Variants in HPD observed in about 807,000 individuals in gnomAD.
The protein encoded by HPD is 4-hydroxyphenylpyruvic acid oxidase.
A neutral mutation model predicts 56.9 loss-of-function variants in HPD; 35 were observed. The ratio of observed to expected loss-of-function variants is 0.62; its 90% CI spans 0.47 to 0.82. The LOEUF (loss-of-function observed/expected upper bound fraction) is 0.82, where lower values mean the gene tolerates loss of function less well. HPD is among the 40% of genes least tolerant of loss of function. The pLI, the probability that HPD is intolerant of heterozygous loss-of-function variation, is 0.00. For missense variants in HPD, 442 were observed against 506.8 expected (o/e 0.87, Z 1.23); for synonymous variants, 186 against 200.2 (o/e 0.93, Z 0.60).
chr12:121,887,912 C>T, the HPD span, among the ~76,000 whole-genome samples: 2 of 152,112 alleles, frequency 1.3e-5, no homozygotes, highest in Non-Finnish European at 2.9e-5. Flanking sequence ...GAGCCCTTTT[C>T]AAGACAAAAT....
the HPD span, among the ~76,000 whole-genome samples, chr12:121,869,585 G>C: frequency 2.7e-5 from 4 of 145,484 alleles, no homozygotes; most frequent in Non-Finnish European, 6.0e-5. Context: ...TTTTAGTGCA[G>C]TGGCTCTCGG....
At chr12:121,865,212 G>A (rs1197876957), upstream of HPD, among the ~76,000 whole-genome samples, 1 of 152,078 alleles carries the variant, frequency 6.6e-6, no homozygotes, top group African/African-American at 2.4e-5. Flanking sequence ...AGGCTGCAGT[G>A]AGCTGAGATC....
upstream of HPD, among the ~76,000 whole-genome samples, chr12:121,863,345 C>A (rs552257147): frequency 6.6e-6 from 1 of 152,180 alleles, no homozygotes; most frequent in African/African-American, 2.4e-5. Flanking sequence ...AGCAACAAGC[C>A]GAGAGAGGGT....
intron 9 of HPD, among the ~76,000 whole-genome samples, chr12:121,847,877 C>G (rs1367869760): frequency 6.6e-6 from 1 of 152,174 alleles, no homozygotes; most frequent in Non-Finnish European, 1.5e-5. Flanking sequence ...GTTGCCCAGG[C>G]TGTCTTGAAC....
In HPD at chr12:121,856,630, GAT is replaced by G. The variant is rs1230690804; in HGVS notation, c.199-7_199-6del. The G allele has an allele frequency of 1.2e-6, 2 of 1,613,992 alleles. No individual in the cohort carries two copies. Among genetic ancestry groups the G allele is most frequent in the African/African-American group, 2.7e-5 (2 of 74,922 alleles). ...TGAGGAGAGGACAAACACAATCTAA[GAT>G]AGGAGGAGAAGGAGGTGAGGCTAGT... On this transcript the variant is annotated splice_region_variant and splice_polypyrimidine_tract_variant and intron_variant, in intron 4 of 13. Coordinates refer to ENST00000289004, the MANE Select transcript of HPD (RefSeq NM_002150.3).
chr12:121,883,678 C>CTT, the HPD span, among the ~76,000 whole-genome samples: 3 of 124,378 alleles, frequency 2.4e-5, no homozygotes, highest in East Asian at 4.1e-4. Flanking sequence ...CCTTTTCCTT[C>CTT]TTTCTTTTTT....
At position 121,857,281 on chromosome 12, in the gene HPD, T is replaced by C. The variant is rs142195204; in HGVS notation, c.198+47A>G. On this transcript the variant is annotated intron_variant, in intron 4 of 13. Transcript: ENST00000289004. Reference sequence around the variant, plus strand: ...TTTTAATAGAGATGGGGTTTCACCATGTTGGCCAGGCAGGGGTTGGGGGCT... The same window carrying C: ...TTTTAATAGAGATGGGGTTTCACCACGTTGGCCAGGCAGGGGTTGGGGGCT... 2.7e-3 allele frequency: 3,270 copies of C among 1,211,242 alleles called. 63 individuals carry two copies. In the East Asian group the frequency reaches 0.051, roughly 19 times the overall value. The allele number at this position is 1,211,242 out of a possible 1,614,324, so 75.0% of individuals were successfully genotyped here. A position where few individuals can be genotyped will look rare whatever the true frequency, so the allele number is the denominator to read the frequency against.
At chr12:121,858,217 A>G (rs906186418) in intron 2 of HPD, among the ~76,000 whole-genome samples, 1 of 152,102 alleles carries the variant, frequency 6.6e-6, no homozygotes, top group African/African-American at 2.4e-5. Context: ...GCTGGAGTGG[A>G]GTGCAGTGGT....
the HPD span, among the ~76,000 whole-genome samples, chr12:121,886,903 T>C: frequency 0.011 from 1,731 of 152,274 alleles, 23 homozygotes; most frequent in African/African-American, 0.039. Flanking sequence ...AACTTTATTA[T>C]TTATTTATTT....
intron 4 of HPD, 112 bp from the exon 5 acceptor site, chr12:121,856,737 C>G: frequency 1.0e-6 from 1 of 977,486 alleles, no homozygotes; most frequent in South Asian, 1.4e-5. Flanking sequence ...CACAAGAACT[C>G]CTGGACCTGG....
At chr12:121,861,613 A>ATCTCT (rs1878175541), upstream of HPD, among the ~76,000 whole-genome samples, 2 of 152,184 alleles carry the variant, frequency 1.3e-5, no homozygotes, top group Non-Finnish European at 2.9e-5. Flanking sequence ...AAAAACATGA[A>ATCTCT]AAAGAGGCAA....
At chr12:121,850,924 T>G (rs1592919830) in intron 7 of HPD, among the ~76,000 whole-genome samples, 1 of 147,540 alleles carries the variant, frequency 6.8e-6, no homozygotes, top group African/African-American at 2.5e-5. Flanking sequence ...AGTGCAATGG[T>G]GCGATCTTGG....
intron 12 of HPD, among the ~76,000 whole-genome samples, 179 bp from the exon 13 acceptor site, chr12:121,840,227 C>T (rs1365777057): frequency 2.0e-5 from 3 of 152,178 alleles, no homozygotes; most frequent in African/African-American, 4.8e-5. Context: ...GTTCCTAAGG[C>T]ACCATTCAAG....
At chr12:121,875,427 CT>C in the HPD span, among the ~76,000 whole-genome samples, 1,701 of 134,666 alleles carry the variant, frequency 0.013, 6 homozygotes, top group South Asian at 0.02. Context: ...TTCTTTCTTT[CT>C]TTTTTTTTTT....
At position 121,846,878 on chromosome 12, in the gene HPD, T is replaced by C. The variant is rs375083142; in HGVS notation, c.815A>G (p.Glu272Gly). Residue 272 changes from glutamate to glycine, a missense_variant, in exon 11 of 14, where the codon GAA (glutamate) becomes GGA (glycine). By Grantham distance (98) the Glu-to-Gly change is moderately conservative. Transcript: ENST00000289004. ...GGTTCTAACCGCTGTGATGATGTCT[T>C]CGGTCTTGAGAGCGATGTGCTGGAC... ...AGVQHIALKT[E>G]DIITAIRHLR... The C allele has an allele frequency of 3.7e-5, 60 of 1,614,030 alleles. No homozygotes were observed. The highest frequency in any genetic ancestry group is 5.0e-5 in the Non-Finnish European group (59 of 1,180,008).
At chr12:121,874,000 GA>G in the HPD span, among the ~76,000 whole-genome samples, 1 of 151,928 alleles carries the variant, frequency 6.6e-6, no homozygotes, top group Non-Finnish European at 1.5e-5. Context: ...ACAACAGCAA[GA>G]AAAAAATCTT....
upstream of HPD, among the ~76,000 whole-genome samples, chr12:121,862,213 T>A (rs1878193221): frequency 6.6e-6 from 1 of 152,124 alleles, no homozygotes; most frequent in South Asian, 2.1e-4. Flanking sequence ...TGCTGGACAG[T>A]GTGGGTCACT....
At position 121,857,552 on chromosome 12, in the gene HPD, C is replaced by G. The variant is rs566879576; in HGVS notation, c.94-120G>C. ...CCCTATTGCCTCAGGGGCAGAGACC[C>G]TCCTGGGAAGATAGACTGCTGCCTG... is the stretch of plus-strand genomic sequence containing the variant. On this transcript the variant is annotated intron_variant, in intron 3 of 13. Transcript: ENST00000289004. 4.5e-6 allele frequency: 4 copies of G among 886,730 alleles called. No individual in the cohort carries two copies. In the South Asian group the frequency reaches 5.4e-5, roughly 12 times the overall value. The allele number at this position is 886,730 out of a possible 1,614,324, so 54.9% of individuals were successfully genotyped here.
chr12:121,886,209 T>C, the HPD span, among the ~76,000 whole-genome samples: 2 of 150,606 alleles, frequency 1.3e-5, no homozygotes, highest in South Asian at 4.3e-4. Context: ...CCCAGGTTCA[T>C]GCCATTCTCC....
Sources: gnomAD v4.1 joint callset for allele counts (sites outside exome capture counted in the v4.1 genomes callset) on GRCh38, gnomAD v4.1.1 for gene constraint, MANE v1.5 for transcripts, NCBI Gene and HGNC (gene_info 2026-07-23, HGNC 2026-07-21) for gene names.